NUBPL: variants seen among roughly 807,000 people sequenced by gnomAD.
The protein encoded by NUBPL is iron-sulfur cluster transfer protein NUBPL.
A neutral mutation model predicts 45.7 loss-of-function variants in NUBPL; 31 were observed. The observed-to-expected ratio is 0.68, with a 90% confidence interval of 0.51 to 0.92. The LOEUF (loss-of-function observed/expected upper bound fraction) is 0.92. NUBPL is among the 40% of genes least tolerant of loss of function. The probability of loss-of-function intolerance (pLI) is 0.00; values close to 1 mark genes in which losing one functional copy is unlikely to be tolerated. For missense variants in NUBPL, 401 were observed against 398.7 expected (o/e 1.01, Z -0.05); for synonymous variants, 144 against 140.9 (o/e 1.02, Z -0.15).
rs765140350 is a variant in NUBPL at position 31,834,221 on chromosome 14, G to C, written c.693+7507G>C. Among the ~76,000 whole-genome samples, 16 of 126,630 alleles carry C rather than the reference G, an allele frequency of 1.3e-4. No homozygotes were observed. In the East Asian group the frequency reaches 2.7e-3, roughly 21 times the overall value. The allele number at this position is 126,630 out of a possible 152,430, so 83.1% of individuals were successfully genotyped here. On this transcript the variant is annotated intron_variant, in intron 8 of 10. Coordinates refer to ENST00000281081, the MANE Select transcript of NUBPL (RefSeq NM_025152.3). ...TTTTGAGACAGAGTCTTGCTCTGTC[G>C]CCAGGCTGGAGTGCAGTGGTGTAAT...
intron 6 of NUBPL, among the ~76,000 whole-genome samples, chr14:31,741,651 G>T (rs375475976): frequency 2.3e-4 from 35 of 152,262 alleles, no homozygotes; most frequent in African/African-American, 7.9e-4. Flanking sequence ...ATGTTACTGA[G>T]TCCTCCTAGA....
intron 4 of NUBPL, among the ~76,000 whole-genome samples, chr14:31,601,270 G>GT (rs1368878798): frequency 2.6e-5 from 4 of 152,272 alleles, no homozygotes; most frequent in African/African-American, 7.2e-5. Flanking sequence ...CTTTAAAGTA[G>GT]TTTTTTCCAA....
At chr14:31,843,402 T>C (rs1249249675) in intron 8 of NUBPL, among the ~76,000 whole-genome samples, 1 of 152,194 alleles carries the variant, frequency 6.6e-6, no homozygotes, top group African/African-American at 2.4e-5. Flanking sequence ...AGGATTTGTG[T>C]TTGTCTAAGA....
At chr14:31,696,030 G>T (rs540548641) in intron 6 of NUBPL, among the ~76,000 whole-genome samples, 55 of 152,296 alleles carry the variant, frequency 3.6e-4, no homozygotes, top group African/African-American at 1.3e-3. Flanking sequence ...AGTAACCAAA[G>T]TATAAAATAA....
chr14:31,664,889 A>G (rs372329431), intron 4 of NUBPL, among the ~76,000 whole-genome samples: 34 of 152,320 alleles, frequency 2.2e-4, no homozygotes, highest in African/African-American at 7.7e-4. Context: ...TTGTTAGGCT[A>G]TTAATTACTG....
chr14:31,682,889 C>T (rs1260194455), intron 6 of NUBPL, among the ~76,000 whole-genome samples: 1 of 152,116 alleles, frequency 6.6e-6, no homozygotes, highest in Non-Finnish European at 1.5e-5. Context: ...AGAAGCATGG[C>T]ACCAACATCT....
intron 6 of NUBPL, among the ~76,000 whole-genome samples, chr14:31,675,070 G>A (rs1447215930): frequency 1.3e-5 from 2 of 151,592 alleles, no homozygotes; most frequent in East Asian, 3.9e-4. Context: ...CCGGGAGGCG[G>A]AGCTTGCAGT....
chr14:31,744,506 A>G (rs1010309352), intron 6 of NUBPL, among the ~76,000 whole-genome samples: 4 of 152,182 alleles, frequency 2.6e-5, no homozygotes, highest in Non-Finnish European at 5.9e-5. Context: ...AAGATAAAAT[A>G]TAGTATGTAG....
chr14:31,779,131 C>T lies in NUBPL; in HGVS notation c.514-8649C>T, dbSNP rs376480827. The stretch of plus-strand genomic sequence containing the variant: ...GAGAGGCGGGTGGATTACCTGAGGT[C>T]GTGAGTTTGAGACCAGCCTGACCAA... On this transcript the variant is annotated intron_variant, in intron 6 of 10. Coordinates refer to ENST00000281081, the MANE Select transcript of NUBPL (RefSeq NM_025152.3). Among the ~76,000 whole-genome samples the T allele has an allele frequency of 2.6e-4, 39 of 151,908 alleles. No homozygotes were observed. In the East Asian group the frequency reaches 5.8e-3, roughly 23 times the overall value.
chr14:31,759,704 C>G (rs926051515), intron 6 of NUBPL, among the ~76,000 whole-genome samples: 1 of 149,932 alleles, frequency 6.7e-6, no homozygotes, highest in African/African-American at 2.5e-5. Context: ...TTGATTCTTT[C>G]TTGGGGTAAT....
At chr14:31,679,661 A>G (rs1216061010) in intron 6 of NUBPL, among the ~76,000 whole-genome samples, 2 of 152,208 alleles carry the variant, frequency 1.3e-5, no homozygotes, top group African/African-American at 4.8e-5. Context: ...TGATTATTAT[A>G]GCTTTATAGA....
chr14:31,799,789 G>A (rs1043795073), intron 7 of NUBPL, among the ~76,000 whole-genome samples: 1 of 152,190 alleles, frequency 6.6e-6, no homozygotes, highest in Non-Finnish European at 1.5e-5. Context: ...GGTGGCAGTT[G>A]CTGACGGTTG....
intron 4 of NUBPL, among the ~76,000 whole-genome samples, chr14:31,620,250 T>C (rs1290873235): frequency 6.6e-6 from 1 of 152,118 alleles, no homozygotes. Flanking sequence ...CAGAGGAGTT[T>C]GTTATCCACC....
At chr14:31,640,134 C>G (rs753960858) in intron 4 of NUBPL, among the ~76,000 whole-genome samples, 1 of 152,168 alleles carries the variant, frequency 6.6e-6, no homozygotes, top group Non-Finnish European at 1.5e-5. Flanking sequence ...GAGATGAACC[C>G]GGTACCTCAG....
intron 6 of NUBPL, among the ~76,000 whole-genome samples, chr14:31,739,872 T>C (rs1487139848): frequency 6.6e-6 from 1 of 152,220 alleles, no homozygotes; most frequent in Non-Finnish European, 1.5e-5. Flanking sequence ...CCCCCACAGT[T>C]TTGCCTTCTC....
chr14:31,821,063 C>T (rs1237211771), intron 7 of NUBPL, among the ~76,000 whole-genome samples: 3 of 151,770 alleles, frequency 2.0e-5, no homozygotes, highest in African/African-American at 2.4e-5. Flanking sequence ...GCGGAGGTTG[C>T]GGTGAGCTGA....
intron 7 of NUBPL, among the ~76,000 whole-genome samples, chr14:31,788,751 C>T (rs2039328520): frequency 6.6e-6 from 1 of 152,108 alleles, no homozygotes; most frequent in South Asian, 2.1e-4. Flanking sequence ...AGGTATTTCC[C>T]CTCCTCTCTG....
At chr14:31,637,218 G>A (rs1052414134) in intron 4 of NUBPL, among the ~76,000 whole-genome samples, 2 of 152,082 alleles carry the variant, frequency 1.3e-5, no homozygotes, top group Non-Finnish European at 2.9e-5. Context: ...TTTCTCTTGT[G>A]GGCATTTAGT....
intron 7 of NUBPL, 146 bp from the exon 8 acceptor site, chr14:31,826,483 C>G (rs1052241599): frequency 1.3e-6 from 1 of 744,180 alleles, no homozygotes; most frequent in African/African-American, 1.7e-5. Flanking sequence ...ATTTTCTTGT[C>G]TTTCTCATTC....
Sources: gnomAD v4.1 joint callset for allele counts (sites outside exome capture counted in the v4.1 genomes callset) on GRCh38, gnomAD v4.1.1 for gene constraint, MANE v1.5 for transcripts, NCBI Gene and HGNC (gene_info 2026-07-23, HGNC 2026-07-21) for gene names.